Variants in CDCA2 observed in about 807,000 individuals in gnomAD.
The protein encoded by CDCA2 is cell division cycle associated 2, also known as cell division cycle-associated protein 2.
A neutral mutation model predicts 67.0 loss-of-function variants in CDCA2; 44 were observed. That is an observed-to-expected ratio of 0.66 (90% CI 0.52 to 0.84). The LOEUF is 0.84. Among genes scored for constraint, CDCA2 ranks in the 40% least tolerant of loss-of-function variants. CDCA2 has a pLI of 0.00. For synonymous variants in CDCA2, 447 were observed against 418.7 expected (o/e 1.07, Z -0.82); for missense variants, 1,253 against 1,203.2 (o/e 1.04, Z -0.61).
In CDCA2 at chr8:25,467,925, C is replaced by T. The variant is rs1586469158; in HGVS notation, c.539-292C>T. On this transcript the variant is annotated intron_variant, in intron 5 of 14. Coordinates refer to ENST00000330560, the MANE Select transcript of CDCA2 (RefSeq NM_152562.4). Reference sequence around the variant, plus strand: ...CCTGAGGTCAGGAGTTCAGACCAGCCTGACCAACGTGGTGAAACCCCATCT... The same window carrying T: ...CCTGAGGTCAGGAGTTCAGACCAGCTTGACCAACGTGGTGAAACCCCATCT... 4.0e-5 allele frequency among the ~76,000 whole-genome samples: 6 copies of T among 151,888 alleles called. 1 individual carries two copies. In the Middle Eastern group the frequency reaches 0.02, roughly 517 times the overall value.
At chr8:25,497,984 A>T (rs1804302545) in intron 13 of CDCA2, among the ~76,000 whole-genome samples, 1 of 152,200 alleles carries the variant, frequency 6.6e-6, no homozygotes, top group Admixed American at 6.5e-5. Flanking sequence ...AAAATGCCTC[A>T]ATTTACTCAC....
chr8:25,496,781 A>G lies in CDCA2; in HGVS notation c.1672-6592A>G, dbSNP rs1376333012. On this transcript the variant is annotated intron_variant, in intron 13 of 14. Transcript: ENST00000330560. ...TTGGAGAGGATATGGAGAAAAGGGA[A>G]TCCTTTGTACACTATCAATAGGAAT... Among the ~76,000 whole-genome samples the G allele has an allele frequency of 2.6e-5, 4 of 152,172 alleles. No homozygotes were observed. The East Asian group carries it at 7.7e-4, about 29-fold the overall frequency.
intron 9 of CDCA2, 61 bp from the exon 10 acceptor site, chr8:25,483,905 C>T (rs1803662968): frequency 4.3e-6 from 6 of 1,379,582 alleles, no homozygotes; most frequent in Non-Finnish European, 6.1e-6. Context: ...CTAGTATATG[C>T]CTTTTAGATA....
intron 13 of CDCA2, among the ~76,000 whole-genome samples, chr8:25,491,120 T>C (rs990736978): frequency 6.6e-6 from 1 of 152,052 alleles, no homozygotes; most frequent in African/African-American, 2.4e-5. Flanking sequence ...AATTTAGTAG[T>C]TGGACAAAAG....
intron 13 of CDCA2, among the ~76,000 whole-genome samples, chr8:25,502,000 C>G (rs1804496803): frequency 6.6e-6 from 1 of 152,180 alleles, no homozygotes; most frequent in Non-Finnish European, 1.5e-5. Flanking sequence ...CTGGTTCATG[C>G]AATTCTCCTG....
At chr8:25,492,117 T>C (rs897711488) in intron 13 of CDCA2, among the ~76,000 whole-genome samples, 2 of 144,904 alleles carry the variant, frequency 1.4e-5, no homozygotes, top group Non-Finnish European at 3.1e-5. Flanking sequence ...TTTTACTTTC[T>C]TGAAGCAGCG....
chr8:25,486,359 C>T (rs1803774949), intron 11 of CDCA2, among the ~76,000 whole-genome samples: 2 of 152,218 alleles, frequency 1.3e-5, no homozygotes, highest in South Asian at 2.1e-4. Context: ...TCTTCCCTGG[C>T]GGAAACCCCT....
rs763373632 is a variant in CDCA2 at position 25,460,319 on chromosome 8, C to T, written c.61+19C>T. 9.3e-6 allele frequency: 15 copies of T among 1,613,938 alleles called. No homozygotes were observed. Among genetic ancestry groups the T allele is most frequent in the Non-Finnish European group, 1.3e-5 (15 of 1,179,966 alleles). ...AATGCTGGTATGTGATGATCTGCCT[C>T]CTTGTGAAGTTGAAGGTTTAGACAG... is the stretch of plus-strand genomic sequence containing the variant. On this transcript the variant is annotated intron_variant, in intron 2 of 14. Transcript: ENST00000330560.
Position 25,475,380 on chromosome 8 carries a change from G to A in CDCA2, c.821-4533G>A, listed in dbSNP as rs527825632. Among the ~76,000 whole-genome samples, 24 of 152,238 alleles carry A rather than the reference G, an allele frequency of 1.6e-4. No individual in the cohort carries two copies. The South Asian group carries it at 4.6e-3, about 29-fold the overall frequency. Reference sequence around the variant, plus strand: ...CTAAAAATACAAAAATTAGCCAGGCGTGGTGGCACCTGCCTGTAATCCCAG... The same window carrying A: ...CTAAAAATACAAAAATTAGCCAGGCATGGTGGCACCTGCCTGTAATCCCAG... On this transcript the variant is annotated intron_variant, in intron 7 of 14. Coordinates refer to ENST00000330560, the MANE Select transcript of CDCA2 (RefSeq NM_152562.4).
rs915481441 is a variant in CDCA2, at chr8:25,480,162, A to C, written c.1032+38A>C. On this transcript the variant is annotated intron_variant, in intron 8 of 14. Coordinates refer to ENST00000330560, the MANE Select transcript of CDCA2 (RefSeq NM_152562.4). The stretch of plus-strand genomic sequence containing the variant: ...TTAAATTTCCTAAAGCAAATGAATA[A>C]AAATGCATTTTGCTTCAAAGTAATA... The C allele has an allele frequency of 4.6e-6, 7 of 1,528,810 alleles. No individual in the cohort carries two copies. In the Admixed American group the frequency reaches 1.1e-4, roughly 23 times the overall value. 94.7% of individuals were successfully genotyped at this position (1,528,810 alleles called of 1,614,324 possible).
In CDCA2 at chr8:25,507,553, C is replaced by CCTG; in HGVS notation, c.2894_2896dup (p.Ala965dup). The CCTG allele has an allele frequency of 6.2e-7, 1 of 1,614,138 alleles. No homozygotes were observed. Among genetic ancestry groups the CCTG allele is most frequent in the Non-Finnish European group, 8.5e-7 (1 of 1,180,006 alleles). ...CTCAGATCCAGAAAACAGCCAGGGCCCTGCTGCTGGTTCTTCCGATGAACC... is the reference window on the plus strand; with the variant it reads ...CTCAGATCCAGAAAACAGCCAGGGCCCTGCTGCTGCTGGTTCTTCCGATGAACC... On this transcript the variant is annotated inframe_insertion, in exon 15 of 15. Coordinates refer to ENST00000330560, the MANE Select transcript of CDCA2 (RefSeq NM_152562.4).
intron 14 of CDCA2, among the ~76,000 whole-genome samples, chr8:25,506,216 G>T (rs894010762): frequency 2.0e-5 from 3 of 152,202 alleles, no homozygotes; most frequent in Admixed American, 6.5e-5. Flanking sequence ...TGTAGCACGG[G>T]AAGGGTGTTA....
At chr8:25,462,349 G>C (rs1425172989) in intron 4 of CDCA2, 141 bp downstream of exon 4, 1 of 916,016 alleles carries the variant, frequency 1.1e-6, no homozygotes, top group African/African-American at 1.7e-5. Context: ...GTTAGCGGCC[G>C]GGCGCGGTGG....
intron 13 of CDCA2, among the ~76,000 whole-genome samples, 186 bp downstream of exon 13, chr8:25,488,875 C>A (rs1207750874): frequency 2.0e-5 from 3 of 152,076 alleles, no homozygotes; most frequent in Non-Finnish European, 4.4e-5. Flanking sequence ...CTAAGGAACA[C>A]TTTTGCGTCT....
intron 13 of CDCA2, among the ~76,000 whole-genome samples, chr8:25,501,997 A>G (rs192738583): frequency 8.9e-4 from 135 of 152,276 alleles, no homozygotes; most frequent in Non-Finnish European, 1.5e-3. Flanking sequence ...TCCCTGGTTC[A>G]TGCAATTCTC....
At chr8:25,466,614 A>G (rs1371430808) in intron 5 of CDCA2, among the ~76,000 whole-genome samples, 1 of 152,202 alleles carries the variant, frequency 6.6e-6, no homozygotes, top group Non-Finnish European at 1.5e-5. Flanking sequence ...CCTTTACCAT[A>G]GAGCTTGTGG....
At chr8:25,492,228 G>A (rs1392566118) in intron 13 of CDCA2, among the ~76,000 whole-genome samples, 2 of 152,192 alleles carry the variant, frequency 1.3e-5, no homozygotes, top group Non-Finnish European at 2.9e-5. Flanking sequence ...TGGGATTACA[G>A]GCTTGAGCCA....
intron 13 of CDCA2, 29 bp downstream of exon 13, chr8:25,488,718 G>A: frequency 6.5e-7 from 1 of 1,536,656 alleles, no homozygotes; most frequent in South Asian, 1.3e-5. Context: ...ATATAATAAA[G>A]AGTAGAAGTG....
intron 13 of CDCA2, among the ~76,000 whole-genome samples, chr8:25,498,456 C>T (rs1391980422): frequency 8.6e-6 from 1 of 115,898 alleles, no homozygotes; most frequent in Non-Finnish European, 1.9e-5. Flanking sequence ...AATCTGCACC[C>T]CCCCCCCGCC....
Sources: allele counts gnomAD v4.1 joint callset (sites outside exome capture counted in the v4.1 genomes callset), GRCh38; gene constraint gnomAD v4.1.1; transcripts MANE v1.5; gene names NCBI Gene and HGNC (gene_info 2026-07-23, HGNC 2026-07-21).